The following IBA57 variants were observed in gnomAD, a reference collection of about 807,000 sequenced individuals.
IBA57 encodes iron-sulfur cluster assembly factor IBA57, mitochondrial.
Under a neutral mutation model 20.4 loss-of-function variants are expected in IBA57, and 20 were observed. That is an observed-to-expected ratio of 0.98 (90% CI 0.69 to 1.42). The LOEUF (loss-of-function observed/expected upper bound fraction) is 1.42, where lower values mean the gene tolerates loss of function less well. Ranked by LOEUF, IBA57 falls within the 40% of genes most tolerant of loss-of-function variation. The pLI, the probability that IBA57 is intolerant of heterozygous loss-of-function variation, is 0.00. For missense variants in IBA57, 608 were observed against 499.3 expected, an observed-to-expected ratio of 1.22 and a Z score of -2.07; for synonymous variants, 310 against 233.9, an observed-to-expected ratio of 1.33 and a Z score of -2.97.
Position 228,175,277 on chromosome 1 carries a change from C to G in IBA57, c.835C>G (p.Leu279Val). ...THHMGVIRKR[L>V]FPVRFLDPLP... ...CCACATGGGCGTCATCCGCAAGCGC[C>G]TCTTCCCTGTCCGGTTCTTGGACCC... is the stretch of plus-strand genomic sequence containing the variant. The change falls in exon 3 of 3, where the codon CTC becomes GTC. Residue 279 changes from leucine to valine, a missense_variant. Transcript: ENST00000366711. 6.2e-7 allele frequency: 1 copy of G among 1,612,878 alleles called. No individual in the cohort carries two copies.
At position 228,180,238 on chromosome 1, in the gene IBA57, G is replaced by A. The variant is rs1486842418; in HGVS notation, c.*4725G>A. ...AACTGCCCTCACTCCGGAGTTTGCT[G>A]CCAGCAGAGCCTAGAGCGTCTAAGG... On this transcript the variant is annotated 3_prime_UTR_variant, in exon 3 of 3. Coordinates refer to ENST00000366711, the MANE Select transcript of IBA57 (RefSeq NM_001010867.4). The A allele has an allele frequency of 6.7e-6, 1 of 149,786 alleles. No homozygotes were observed. The highest frequency in any genetic ancestry group is 2.4e-5 in the African/African-American group (1 of 40,840). 9.3% of individuals were successfully genotyped at this position (149,786 alleles called of 1,614,324 possible). A position where few individuals can be genotyped will look rare whatever the true frequency, so the allele number is the denominator to read the frequency against.
At chr1:228,167,026 A>G (rs1341563159) in intron 1 of IBA57, among the ~76,000 whole-genome samples, 3 of 152,178 alleles carry the variant, frequency 2.0e-5, no homozygotes, top group Non-Finnish European at 4.4e-5. Context: ...GTAAAAATCT[A>G]GCTTGGAAAT....
Position 228,166,139 on chromosome 1 carries a change from A to C in IBA57, c.323A>C (p.Tyr108Ser), listed in dbSNP as rs781627051. The C allele has an allele frequency of 3.9e-6, 6 of 1,521,786 alleles. No individual in the cohort carries two copies. The East Asian group carries it at 1.3e-4, about 33-fold the overall frequency. The allele number at this position is 1,521,786 out of a possible 1,614,324, so 94.3% of individuals were successfully genotyped here. ...CTGAACGTGCAGGGCCGGACGCTCT[A>C]TGACGTCATCTTGTACGGGTGAGCG... ...HFLNVQGRTL[Y>S]DVILYGLQEH... The change falls in exon 1 of 3, where the codon TAT becomes TCT. Residue 108 changes from tyrosine to serine, a missense_variant. Transcript: ENST00000366711.
At chr1:228,172,960 G>A (rs1486383776) in intron 1 of IBA57, 1 of 152,308 alleles carries the variant, frequency 6.6e-6, no homozygotes, top group Non-Finnish European at 1.5e-5. Context: ...CCTCCCTTGT[G>A]GGTGTTGTTT....
rs1486269329 is a variant in IBA57 at position 228,174,774 on chromosome 1, C to T, written c.424C>T (p.Leu142=). Reference sequence around the variant, plus strand: ...GGGCGCGCTGCAGAAGCACCTCGCGCTATACAGGATCCGGCGGAAGGTCAC... The same window carrying T: ...GGGCGCGCTGCAGAAGCACCTCGCGTTATACAGGATCCGGCGGAAGGTCAC... ...VQGALQKHLA[L]YRIRRKVTVE... The change falls in exon 2 of 3, where the codon CTA becomes TTA. Residue 142 remains leucine (L), a synonymous_variant. Transcript: ENST00000366711. The T allele has an allele frequency of 6.2e-7, 1 of 1,610,708 alleles. No homozygotes were observed. Among genetic ancestry groups the T allele is most frequent in the South Asian group, 1.1e-5 (1 of 90,916 alleles).
In IBA57 at chr1:228,175,587, C is replaced by T; in HGVS notation, c.*74C>T. On this transcript the variant is annotated 3_prime_UTR_variant, in exon 3 of 3. Transcript: ENST00000366711. ...CCTTTGGCCTCTGTCCAGGGTCTTC[C>T]CGTCCCATCTGTCTGCTGCGCCTAC... is the stretch of plus-strand genomic sequence containing the variant. The T allele has an allele frequency of 1.3e-6, 2 of 1,484,126 alleles. No individual in the cohort carries two copies. The highest frequency in any genetic ancestry group is 2.8e-5 in the South Asian group (2 of 72,564). 91.9% of individuals were successfully genotyped at this position (1,484,126 alleles called of 1,614,324 possible).
intron 1 of IBA57, 23 bp downstream of exon 1, chr1:228,166,180 C>G (rs555729363): frequency 1.4e-6 from 2 of 1,414,232 alleles, no homozygotes; most frequent in African/African-American, 1.5e-5. Context: ...TGGGAGGGCG[C>G]TCGGGGGCGG....
chr1:228,173,704 G>A (rs2034958724), intron 1 of IBA57, among the ~76,000 whole-genome samples: 1 of 152,130 alleles, frequency 6.6e-6, no homozygotes, highest in African/African-American at 2.4e-5. Context: ...GCTGGAACAG[G>A]CAGGTCTGGT....
Position 228,170,631 on chromosome 1 carries a change from C to A in IBA57, c.342-4061C>A, listed in dbSNP as rs948838652. ...TTTCTATCAGTTGGTTTTGATCTCT[C>A]TTCATGTAGGAGGCAGAGAGAGGCT... On this transcript the variant is annotated intron_variant, in intron 1 of 2. Coordinates refer to ENST00000366711, the MANE Select transcript of IBA57 (RefSeq NM_001010867.4). The surrounding 1 kb of genome is among the most constrained non-coding windows in gnomAD (Gnocchi z 4.8). 7.2e-5 allele frequency among the ~76,000 whole-genome samples: 11 copies of A among 152,300 alleles called. No individual in the cohort carries two copies. Among genetic ancestry groups the A allele is most frequent in the Admixed American group, 7.2e-4 (11 of 15,298 alleles).
chr1:228,178,775 C>G lies in IBA57; in HGVS notation c.*3262C>G, dbSNP rs1243508363. Reference sequence around the variant, plus strand: ...TCCCCAAGGAGACAAGCTCCCTGTTCTGTGTTCTTGTATGAGGCGGTCAGT... The same window carrying G: ...TCCCCAAGGAGACAAGCTCCCTGTTGTGTGTTCTTGTATGAGGCGGTCAGT... On this transcript the variant is annotated 3_prime_UTR_variant, in exon 3 of 3. Coordinates refer to ENST00000366711, the MANE Select transcript of IBA57 (RefSeq NM_001010867.4). The G allele has an allele frequency of 2.6e-5, 4 of 152,394 alleles. No homozygotes were observed. The highest frequency in any genetic ancestry group is 9.6e-5 in the African/African-American group (4 of 41,588). The allele number at this position is 152,394 out of a possible 1,614,324, so 9.4% of individuals were successfully genotyped here. A position where few individuals can be genotyped will look rare whatever the true frequency, so the allele number is the denominator to read the frequency against.
rs1008547912 is a variant in IBA57 at position 228,179,163 on chromosome 1, C to T, written c.*3650C>T. ...AAATTGTCAACACACACACACAGTACCATAAACAAGGCCCAGCAGAAAGGC... is the reference window on the plus strand; with the variant it reads ...AAATTGTCAACACACACACACAGTATCATAAACAAGGCCCAGCAGAAAGGC... On this transcript the variant is annotated 3_prime_UTR_variant, in exon 3 of 3. Transcript: ENST00000366711. 4 of 151,178 alleles carry T rather than the reference C, an allele frequency of 2.6e-5. No individual in the cohort carries two copies. Among genetic ancestry groups the T allele is most frequent in the Non-Finnish European group, 5.9e-5 (4 of 67,884 alleles). 9.4% of individuals were successfully genotyped at this position (151,178 alleles called of 1,614,324 possible).
At chr1:228,172,446 T>C (rs890610434) in intron 1 of IBA57, 4 of 152,242 alleles carry the variant, frequency 2.6e-5, no homozygotes, top group African/African-American at 9.6e-5. Context: ...CCTGTCACTT[T>C]TTAGCCTTAC....
intron 1 of IBA57, among the ~76,000 whole-genome samples, chr1:228,167,155 T>A (rs2034864603): frequency 6.6e-6 from 1 of 152,234 alleles, no homozygotes; most frequent in Non-Finnish European, 1.5e-5. Flanking sequence ...TTCTTTATTC[T>A]TGATGTCGTG....
rs762720562 is a variant in IBA57 at position 228,165,978 on chromosome 1, C to T, written c.162C>T (p.Asp54=). 3.6e-5 allele frequency: 54 copies of T among 1,518,744 alleles called. No homozygotes were observed. The Admixed American group carries it at 1.0e-3, about 28-fold the overall frequency. The allele number at this position is 1,518,744 out of a possible 1,614,324, so 94.1% of individuals were successfully genotyped here. The change falls in exon 1 of 3, where the codon GAC becomes GAT. Residue 54 remains aspartate (D), a synonymous_variant. Coordinates refer to ENST00000366711, the MANE Select transcript of IBA57 (RefSeq NM_001010867.4). The part of the protein sequence containing the change: ...AGAAWACFRL[D]GRTLLRVRGP... ...CGGCCTGGGCCTGCTTCCGGCTGGA[C>T]GGGCGCACCCTGCTGCGCGTGCGTG... is the stretch of plus-strand genomic sequence containing the variant.
At chr1:228,169,366 C>T (rs1200075604) in intron 1 of IBA57, among the ~76,000 whole-genome samples, 1 of 152,192 alleles carries the variant, frequency 6.6e-6, no homozygotes, top group Non-Finnish European at 1.5e-5. Context: ...CTGAATGTAG[C>T]ACCTTCTTTC....
Position 228,176,966 on chromosome 1 carries a change from G to C in IBA57, c.*1453G>C, listed in dbSNP as rs1164703906. The C allele has an allele frequency of 6.6e-6, 1 of 152,372 alleles. No homozygotes were observed. Among genetic ancestry groups the C allele is most frequent in the Non-Finnish European group, 1.5e-5 (1 of 68,146 alleles). The allele number at this position is 152,372 out of a possible 1,614,324, so 9.4% of individuals were successfully genotyped here. A position where few individuals can be genotyped will look rare whatever the true frequency, so the allele number is the denominator to read the frequency against. On this transcript the variant is annotated 3_prime_UTR_variant, in exon 3 of 3. Transcript: ENST00000366711. ...CGGTCCTGAGAGCCGGTGGCCTTCA[G>C]CCCCTCTTGGACAGGTCATGGTCTG...
At chr1:228,173,259 G>C (rs751557596) in intron 1 of IBA57, 2 of 152,676 alleles carry the variant, frequency 1.3e-5, no homozygotes, top group Non-Finnish European at 2.9e-5. Flanking sequence ...CCTGCTCTTG[G>C]GCTTGTCTCT....
chr1:228,172,971 T>C (rs540030399), intron 1 of IBA57: 1 of 152,358 alleles, frequency 6.6e-6, no homozygotes, highest in Non-Finnish European at 1.5e-5. Context: ...GGTGTTGTTT[T>C]TGATGTCCTG....
rs1401034552 is a variant in IBA57 at position 228,175,430 on chromosome 1, C to T, written c.988C>T (p.Pro330Ser). Reference protein sequence around the residue: ...ALLWSEKIKGPLHIRASEGAQ... With the variant: ...ALLWSEKIKGSLHIRASEGAQ... ...GCTGTGGTCAGAGAAGATCAAGGGT[C>T]CTCTGCACATCAGAGCCTCTGAGGG... Residue 330 changes from proline to serine, a missense_variant, in exon 3 of 3, where the codon CCT becomes TCT. Transcript: ENST00000366711. 2 of 1,612,542 alleles carry T rather than the reference C, an allele frequency of 1.2e-6. No individual in the cohort carries two copies. Among genetic ancestry groups the T allele is most frequent in the South Asian group, 1.1e-5 (1 of 91,018 alleles).
Sources: gnomAD v4.1 joint callset for allele counts (sites outside exome capture counted in the v4.1 genomes callset) on GRCh38, gnomAD v4.1.1 for gene constraint, Gnocchi (gnomAD v3.1) non-coding constraint, MANE v1.5 for transcripts, NCBI Gene and HGNC (gene_info 2026-07-23, HGNC 2026-07-21) for gene names.